Variants in ASS1 observed in about 807,000 individuals in gnomAD.
ASS1 encodes the protein argininosuccinate synthase 1.
ASS1 carries 58 observed loss-of-function variants against 60.5 expected under a neutral mutation model. The observed-to-expected ratio is 0.96, with a 90% confidence interval of 0.78 to 1.19. ASS1 has a LOEUF of 1.19. Ranked by LOEUF, ASS1 falls within the 50% of genes most tolerant of loss-of-function variation. ASS1 has a pLI of 0.00. For synonymous variants in ASS1, 200 were observed against 206.9 expected (o/e 0.97, Z 0.29); for missense variants, 454 against 547.3 (o/e 0.83, Z 1.70).
At chr9:130,465,058 T>TATATATA (rs1564906951) in intron 5 of ASS1, among the ~76,000 whole-genome samples, 2 of 130,038 alleles carry the variant, frequency 1.5e-5, no homozygotes, top group African/African-American at 2.9e-5. Flanking sequence ...ATATATATAT[T>TATATATA]TTTTTTTTTT....
At chr9:130,464,302 G>T (rs1845674234) in intron 5 of ASS1, 135 bp downstream of exon 5, 1 of 1,102,674 alleles carries the variant, frequency 9.1e-7, no homozygotes, top group Non-Finnish European at 1.4e-6. Flanking sequence ...CCATCGGGTG[G>T]ACAGCCTGCT....
chr9:130,451,944 G>A, intron 1 of ASS1: 2 of 601,196 alleles, frequency 3.3e-6, no homozygotes, highest in Middle Eastern at 5.1e-4. Flanking sequence ...GATGCTGGAG[G>A]ATCAGGTCCA....
At chr9:130,472,844 G>C (rs571367989) in intron 8 of ASS1, among the ~76,000 whole-genome samples, 1 of 152,326 alleles carries the variant, frequency 6.6e-6, no homozygotes, top group South Asian at 2.1e-4. Context: ...TGGGCCCCAA[G>C]CATGCTGGGC....
At chr9:130,449,671 A>G (rs2131864806) in intron 1 of ASS1, among the ~76,000 whole-genome samples, 1 of 152,228 alleles carries the variant, frequency 6.6e-6, no homozygotes, top group East Asian at 1.9e-4. Flanking sequence ...CCTACCAGTC[A>G]AACGAGATGC....
rs930615628 is a variant in ASS1 at position 130,477,798 on chromosome 9, G to A, written c.688+837G>A. ...CAGGGGCACCCAAGGACCAGGCGGG[G>A]GGCTGGCCCATTCGTCCACAAAGTG... is the stretch of plus-strand genomic sequence containing the variant. On this transcript the variant is annotated intron_variant, in intron 9 of 14. Coordinates refer to ENST00000352480, the MANE Select transcript of ASS1 (RefSeq NM_054012.4). The surrounding 1 kb of genome is among the most constrained non-coding windows in gnomAD (Gnocchi z 4.2). 3.3e-5 allele frequency among the ~76,000 whole-genome samples: 5 copies of A among 152,196 alleles called. No homozygotes were observed. Among genetic ancestry groups the A allele is most frequent in the Non-Finnish European group, 7.4e-5 (5 of 68,020 alleles).
At chr9:130,461,688 C>T (rs1410803801) in intron 4 of ASS1, among the ~76,000 whole-genome samples, 3 of 152,176 alleles carry the variant, frequency 2.0e-5, no homozygotes, top group Non-Finnish European at 4.4e-5. Context: ...AGACAATTTC[C>T]GAGAACTGGG....
In ASS1 at chr9:130,470,795, A is replaced by G; in HGVS notation, c.496-39A>G. On this transcript the variant is annotated intron_variant, in intron 6 of 14. Transcript: ENST00000352480. The surrounding 1 kb of genome is among the most constrained non-coding windows in gnomAD (Gnocchi z 4.3). ...TGGGACGGACCTCACGCGTCCTTCCAGCCGCCTTACCTCCACCTGTGCTGT... is the reference window on the plus strand; with the variant it reads ...TGGGACGGACCTCACGCGTCCTTCCGGCCGCCTTACCTCCACCTGTGCTGT... 1.9e-6 allele frequency: 3 copies of G among 1,605,394 alleles called. No homozygotes were observed. The highest frequency in any genetic ancestry group is 2.6e-6 in the Non-Finnish European group (3 of 1,172,256).
rs527726603 is a variant in ASS1 at position 130,451,423 on chromosome 9, C to T, written c.-5-801C>T. Among the ~76,000 whole-genome samples the T allele has an allele frequency of 2.6e-5, 4 of 152,310 alleles. No homozygotes were observed. The South Asian group carries it at 8.3e-4, about 32-fold the overall frequency. ...GGGCCTCAGTTTCTCTACCTCCACA[C>T]TGGGGGAAGTTGGTCTCTGAGCCCC... On this transcript the variant is annotated intron_variant, in intron 1 of 14. Coordinates refer to ENST00000352480, the MANE Select transcript of ASS1 (RefSeq NM_054012.4).
In ASS1 at chr9:130,488,636, C is replaced by T. The variant is rs118129357; in HGVS notation, c.839-697C>T. On this transcript the variant is annotated intron_variant, in intron 11 of 14. Coordinates refer to ENST00000352480, the MANE Select transcript of ASS1 (RefSeq NM_054012.4). The surrounding 1 kb of genome is among the most constrained non-coding windows in gnomAD (Gnocchi z 5.2). ...GGTCACAAGAGGGGACTTGAGCAAT[C>T]CCTTCTCCCCTGACCTTCCAGGGTT... Among the ~76,000 whole-genome samples the T allele has an allele frequency of 0.014, 2,094 of 152,344 alleles. 26 individuals are homozygous for T. Among genetic ancestry groups the T allele is most frequent in the Middle Eastern group, 0.031 (9 of 294 alleles).
At position 130,470,487 on chromosome 9, in the gene ASS1, G is replaced by A. The variant is rs1172159146; in HGVS notation, c.496-347G>A. 6.6e-6 allele frequency among the ~76,000 whole-genome samples: 1 copy of A among 152,224 alleles called. No individual in the cohort carries two copies. Among genetic ancestry groups the A allele is most frequent in the Admixed American group, 6.5e-5 (1 of 15,286 alleles). On this transcript the variant is annotated intron_variant, in intron 6 of 14. Coordinates refer to ENST00000352480, the MANE Select transcript of ASS1 (RefSeq NM_054012.4). This position sits in a 1 kb window ranked among gnomAD's most constrained non-coding sequence, Gnocchi z 4.3. ...AGCGGGTTCACACAAGCCCCAGCTC[G>A]TAGGGTGGTGGCGGGGCTGGTTGGC... is the stretch of plus-strand genomic sequence containing the variant.
At chr9:130,481,657 T>C (rs1846179636) in intron 11 of ASS1, among the ~76,000 whole-genome samples, 1 of 152,180 alleles carries the variant, frequency 6.6e-6, no homozygotes, top group Admixed American at 6.5e-5. Flanking sequence ...CCAAGTGTAA[T>C]GCGGTAGGCG....
intron 14 of ASS1, among the ~76,000 whole-genome samples, 194 bp from the exon 15 acceptor site, chr9:130,500,782 A>C (rs1189838308): frequency 6.6e-6 from 1 of 152,116 alleles, no homozygotes; most frequent in African/African-American, 2.4e-5. Context: ...TCCCCCTAAG[A>C]TAAATTAATT....
At chr9:130,447,028 G>A (rs768776052) in intron 1 of ASS1, among the ~76,000 whole-genome samples, 1 of 152,222 alleles carries the variant, frequency 6.6e-6, no homozygotes, top group Non-Finnish European at 1.5e-5. Flanking sequence ...AAGACAAACC[G>A]AGCTCAGCTG....
chr9:130,480,568 G>A (rs753799453), intron 11 of ASS1, 119 bp downstream of exon 11: 64 of 1,081,096 alleles, frequency 5.9e-5, no homozygotes, highest in Non-Finnish European at 7.9e-5. Context: ...CCTTGGGCAC[G>A]TCCTTTCACC....
chr9:130,472,100 G>A (rs1294969025), intron 8 of ASS1, among the ~76,000 whole-genome samples: 2 of 152,210 alleles, frequency 1.3e-5, no homozygotes, highest in Non-Finnish European at 2.9e-5. Flanking sequence ...CCCACTGTGG[G>A]AGGTGGGGGA....
intron 9 of ASS1, among the ~76,000 whole-genome samples, chr9:130,479,475 A>G (rs1166902212): frequency 6.6e-6 from 1 of 152,080 alleles, no homozygotes; most frequent in East Asian, 1.9e-4. Flanking sequence ...GGCAAAGAGA[A>G]TGGGAGGGTG....
intron 11 of ASS1, among the ~76,000 whole-genome samples, chr9:130,484,199 C>G (rs1846244426): frequency 6.6e-6 from 1 of 152,156 alleles, no homozygotes; most frequent in Non-Finnish European, 1.5e-5. Context: ...TTCCAAATCA[C>G]TTCTTCTACT....
intron 13 of ASS1, among the ~76,000 whole-genome samples, chr9:130,497,007 C>T (rs1184840741): frequency 6.6e-6 from 1 of 152,234 alleles, no homozygotes; most frequent in Non-Finnish European, 1.5e-5. Flanking sequence ...TGTTGAGTTT[C>T]TCCCCGCTTC....
At chr9:130,448,106 G>A (rs993459122) in intron 1 of ASS1, among the ~76,000 whole-genome samples, 2 of 151,654 alleles carry the variant, frequency 1.3e-5, no homozygotes, top group Admixed American at 6.6e-5. Context: ...TTCCTCCCCC[G>A]ACATCAAACC....
Sources: gnomAD v4.1 joint callset for allele counts (sites outside exome capture counted in the v4.1 genomes callset) on GRCh38, gnomAD v4.1.1 for gene constraint, Gnocchi (gnomAD v3.1) non-coding constraint, MANE v1.5 for transcripts, NCBI Gene and HGNC (gene_info 2026-07-23, HGNC 2026-07-21) for gene names.